The following AMY2B variants were observed in gnomAD, a reference collection of about 807,000 sequenced individuals.
AMY2B encodes the protein amylase alpha 2B.
AMY2B carries 63 observed loss-of-function variants against 59.3 expected under a neutral mutation model. That is an observed-to-expected ratio of 1.06 (90% CI 0.87 to 1.31). AMY2B has a LOEUF of 1.31. Ranked by LOEUF, AMY2B falls within the 50% of genes most tolerant of loss-of-function variation. The pLI, the probability that AMY2B is intolerant of heterozygous loss-of-function variation, is 0.00. For synonymous variants in AMY2B, 180 were observed against 198.1 expected (o/e 0.91, Z 0.77); for missense variants, 635 against 626.7 (o/e 1.01, Z -0.14).
chr1:103,577,410 A>T, intron 7 of AMY2B, 80 bp from the exon 8 acceptor site: 1 of 1,607,024 alleles, frequency 6.2e-7, no homozygotes, highest in East Asian at 2.2e-5. Context: ...AAGTAACAGG[A>T]TAGGTTGGGT....
chr1:103,571,935 T>C (rs1417621340), intron 1 of AMY2B, among the ~76,000 whole-genome samples, 165 bp downstream of exon 1: 1 of 152,214 alleles, frequency 6.6e-6, no homozygotes, highest in Non-Finnish European at 1.5e-5. Flanking sequence ...AACTTTATAT[T>C]TTGTTTCTGA....
chr1:103,557,110 C>T (rs1300814980), intron 1 of AMY2B, among the ~76,000 whole-genome samples: 1 of 151,886 alleles, frequency 6.6e-6, no homozygotes, highest in African/African-American at 2.4e-5. Flanking sequence ...ATAGAGCGTC[C>T]ATTTAAAAGC....
chr1:103,561,459 G>T (rs559145625), intron 1 of AMY2B, among the ~76,000 whole-genome samples: 2 of 151,872 alleles, frequency 1.3e-5, no homozygotes, highest in African/African-American at 4.8e-5. Flanking sequence ...GTAGAGACAG[G>T]GTTTTGCTAT....
chr1:103,575,242 G>C lies in AMY2B; in HGVS notation c.898G>C (p.Gly300Arg). The C allele has an allele frequency of 1.2e-6, 2 of 1,613,552 alleles. No individual in the cohort carries two copies. The highest frequency in any genetic ancestry group is 1.7e-6 in the Non-Finnish European group (2 of 1,179,644). ...SYLKNWGEGW[G>R]FMPSDRALVF... ...AAATAGGAACTGGGGAGAAGGTTGGGGTTTCATGCCTTCTGACAGAGCACT... is the reference window on the plus strand; with the variant it reads ...AAATAGGAACTGGGGAGAAGGTTGGCGTTTCATGCCTTCTGACAGAGCACT... Residue 300 changes from glycine (G) to arginine (R), a missense_variant, in exon 6 of 10, where the codon GGT becomes CGT. Gly to Arg is a moderately radical substitution (Grantham distance 125). Coordinates refer to ENST00000684275, the MANE Select transcript of AMY2B (RefSeq NM_001387437.1).
chr1:103,567,569 C>A (rs1382565123), upstream of AMY2B, among the ~76,000 whole-genome samples: 1 of 152,164 alleles, frequency 6.6e-6, no homozygotes, highest in Non-Finnish European at 1.5e-5. Flanking sequence ...CTAGTCCAAG[C>A]CACTCACCTC....
upstream of AMY2B, chr1:103,570,864 G>T (rs762934105): frequency 3.8e-5 from 15 of 390,962 alleles, no homozygotes; most frequent in Middle Eastern, 8.6e-4. Context: ...TTTTGACATT[G>T]TATTCAAGTT....
At chr1:103,575,022 G>A (rs1422479881) in intron 5 of AMY2B, among the ~76,000 whole-genome samples, 1 of 148,194 alleles carries the variant, frequency 6.7e-6, no homozygotes, top group Non-Finnish European at 1.5e-5. Context: ...TGGTGTGTGT[G>A]TGTATATATA....
intron 1 of AMY2B, among the ~76,000 whole-genome samples, chr1:103,556,379 A>G (rs1463650795): frequency 2.6e-5 from 4 of 152,166 alleles, no homozygotes; most frequent in African/African-American, 4.8e-5. Flanking sequence ...AGATATGGAA[A>G]GTAATCTGGG....
chr1:103,575,857 T>C (rs1652333952), intron 7 of AMY2B: 2 of 240,008 alleles, frequency 8.3e-6, no homozygotes, highest in South Asian at 7.4e-5. Flanking sequence ...TACCTCAGGG[T>C]TAATAGGAAG....
At chr1:103,556,574 A>T (rs749148750) in intron 1 of AMY2B, among the ~76,000 whole-genome samples, 1 of 151,912 alleles carries the variant, frequency 6.6e-6, no homozygotes, top group African/African-American at 2.4e-5. Context: ...TAATAGTACT[A>T]AGTATAGTAT....
chr1:103,558,999 G>C (rs546336627), intron 1 of AMY2B, among the ~76,000 whole-genome samples: 1 of 152,212 alleles, frequency 6.6e-6, no homozygotes, highest in South Asian at 2.1e-4. Context: ...AGTAATCTGA[G>C]ATGATGTAAA....
Position 103,577,733 on chromosome 1 carries a change from T to C in AMY2B, c.1234T>C (p.Phe412Leu), listed in dbSNP as rs774018534. The C allele has an allele frequency of 1.1e-5, 17 of 1,611,386 alleles. 1 individual carries two copies. Among genetic ancestry groups the C allele is most frequent in the Middle Eastern group, 2.3e-4 (1 of 4,430 alleles). ...TTGTGTTTTTAGGAACATGGTTAAT[T>C]TCCGCAATGTAGTGGATGGCCAGCC... ...RWRQIRNMVN[F>L]RNVVDGQPFT... is the part of the protein sequence containing the mutation. Residue 412 changes from phenylalanine (F) to leucine (L), a missense_variant, in exon 9 of 10, where the codon TTC becomes CTC. By Grantham distance (22) the Phe-to-Leu change is conservative. Coordinates refer to ENST00000684275, the MANE Select transcript of AMY2B (RefSeq NM_001387437.1).
chr1:103,569,663 C>T (rs1471143199), upstream of AMY2B: 4 of 386,728 alleles, frequency 1.0e-5, no homozygotes, highest in African/African-American at 8.5e-5. Flanking sequence ...CATCGGTGCC[C>T]CCGGCACCAG....
intron 1 of AMY2B, among the ~76,000 whole-genome samples, chr1:103,563,412 A>C (rs1370028264): frequency 6.6e-6 from 1 of 152,270 alleles, no homozygotes; most frequent in African/African-American, 2.4e-5. Context: ...CAGAAAGTAG[A>C]TATAACAACT....
intron 3 of AMY2B, 95 bp from the exon 4 acceptor site, chr1:103,573,613 C>A: frequency 2.6e-6 from 4 of 1,553,104 alleles, no homozygotes; most frequent in Non-Finnish European, 3.5e-6. Flanking sequence ...TATAGAATAT[C>A]TCTTGAGGAA....
intron 1 of AMY2B, among the ~76,000 whole-genome samples, chr1:103,557,235 C>G (rs1253042365): frequency 6.6e-6 from 1 of 151,814 alleles, no homozygotes; most frequent in African/African-American, 2.4e-5. Flanking sequence ...TACCCTGTAC[C>G]CAACATGCAC....
intron 5 of AMY2B, among the ~76,000 whole-genome samples, chr1:103,575,013 GGT>G (rs1000077186): frequency 2.7e-5 from 4 of 148,040 alleles, no homozygotes; most frequent in East Asian, 2.0e-4. Context: ...GTGTGTATAT[GGT>G]GTGTGTGTGT....
upstream of AMY2B, chr1:103,571,000 C>T (rs1652107907): frequency 2.6e-6 from 1 of 379,418 alleles, no homozygotes; most frequent in Non-Finnish European, 4.7e-6. Context: ...GCATGGCCAG[C>T]AGTCTCTGAT....
chr1:103,562,468 G>C (rs1215883228), intron 1 of AMY2B, among the ~76,000 whole-genome samples: 1 of 152,066 alleles, frequency 6.6e-6, no homozygotes, highest in Non-Finnish European at 1.5e-5. Flanking sequence ...TTACTATTTT[G>C]AGAAAATTGT....
Sources: allele counts gnomAD v4.1 joint callset (sites outside exome capture counted in the v4.1 genomes callset), GRCh38; gene constraint gnomAD v4.1.1; transcripts MANE v1.5; gene names NCBI Gene and HGNC (gene_info 2026-07-23, HGNC 2026-07-21).